The following MYO10 variants were observed in gnomAD, a reference collection of about 807,000 sequenced individuals.
MYO10 encodes the protein myosin X.
MYO10 carries 133 observed loss-of-function variants against 257.3 expected under a neutral mutation model. That is an observed-to-expected ratio of 0.52 (90% CI 0.45 to 0.60). The LOEUF is 0.60. Ranked by LOEUF, MYO10 falls within the 20% of genes least tolerant of loss-of-function variation. The probability of loss-of-function intolerance (pLI) is 0.00; values close to 1 mark genes in which losing one functional copy is unlikely to be tolerated. For missense variants in MYO10, 2,399 were observed against 2,635.7 expected (o/e 0.91, Z 1.97); for synonymous variants, 1,104 against 1,028.6 (o/e 1.07, Z -1.40).
intron 2 of MYO10, among the ~76,000 whole-genome samples, chr5:16,876,787 T>A (rs1744617032): frequency 6.6e-6 from 1 of 152,188 alleles, no homozygotes; most frequent in Admixed American, 6.5e-5. Context: ...ACTAAGGACC[T>A]CAAGTGATCT....
At chr5:16,669,421 G>T (rs1283453266) in intron 39 of MYO10, among the ~76,000 whole-genome samples, 8 of 152,016 alleles carry the variant, frequency 5.3e-5, no homozygotes, top group African/African-American at 1.7e-4. Flanking sequence ...AGCCAGGATG[G>T]TCTCGATCTC....
At chr5:16,702,625 A>C in intron 23 of MYO10, 37 bp from the exon 24 acceptor site, 1 of 1,543,630 alleles carries the variant, frequency 6.5e-7, no homozygotes, top group Non-Finnish European at 8.8e-7. Context: ...ATCAACAACA[A>C]TAACCCTGGA....
intron 2 of MYO10, among the ~76,000 whole-genome samples, chr5:16,874,344 C>CAG (rs796101418): frequency 2.1e-4 from 6 of 28,478 alleles, no homozygotes; most frequent in Admixed American, 1.3e-3. Flanking sequence ...AAAAAAAAAG[C>CAG]GGGGGGGGGG....
At chr5:16,762,024 G>A (rs1473722737) in intron 16 of MYO10, 21 bp downstream of exon 16, 5 of 1,431,632 alleles carry the variant, frequency 3.5e-6, no homozygotes, top group Admixed American at 3.0e-5. Flanking sequence ...AATATCAATA[G>A]GTATCTTAAT....
chr5:16,785,547 G>A lies in MYO10; in HGVS notation c.468-2078C>T, dbSNP rs146230874. Among the ~76,000 whole-genome samples the A allele has an allele frequency of 3.6e-4, 55 of 152,326 alleles. No individual in the cohort carries two copies. The East Asian group carries it at 9.3e-3, about 26-fold the overall frequency. On this transcript the variant is annotated intron_variant, in intron 4 of 40. Transcript: ENST00000513610. ...CTTTATCCTCGGGCACACAGAAGCC[G>A]AAAACATTTAGACTCCCTTGCAGTA...
chr5:16,821,581 A>G (rs971119345), intron 2 of MYO10, among the ~76,000 whole-genome samples: 1 of 147,544 alleles, frequency 6.8e-6, no homozygotes, highest in African/African-American at 2.5e-5. Flanking sequence ...ATTCTCCTGC[A>G]TCAGCCTCCC....
chr5:16,727,492 C>T (rs796290823), intron 19 of MYO10, among the ~76,000 whole-genome samples: 2 of 152,270 alleles, frequency 1.3e-5, no homozygotes, highest in African/African-American at 4.8e-5. Flanking sequence ...AAAAACAATG[C>T]TCATGCAAAT....
chr5:16,788,311 T>TG (rs1741652667), intron 4 of MYO10, among the ~76,000 whole-genome samples: 1 of 152,116 alleles, frequency 6.6e-6, no homozygotes. Context: ...CTGGGGCCCC[T>TG]GAGTGTTTGC....
intron 2 of MYO10, among the ~76,000 whole-genome samples, chr5:16,859,484 C>A (rs1193925289): frequency 6.6e-6 from 1 of 152,122 alleles, no homozygotes; most frequent in Non-Finnish European, 1.5e-5. Context: ...GGTGCAGGCA[C>A]CTTATAATCC....
At chr5:16,702,751 C>G (rs1738141883) in intron 23 of MYO10, among the ~76,000 whole-genome samples, 163 bp from the exon 24 acceptor site, 1 of 152,186 alleles carries the variant, frequency 6.6e-6, no homozygotes, top group African/African-American at 2.4e-5. Flanking sequence ...AAAATATTCA[C>G]AGAACTGGGT....
intron 9 of MYO10, among the ~76,000 whole-genome samples, chr5:16,778,598 G>A (rs1466547566): frequency 6.6e-6 from 1 of 151,830 alleles, no homozygotes; most frequent in Non-Finnish European, 1.5e-5. Context: ...ACGGGGAAGA[G>A]AAGCCTGCTC....
In MYO10 at chr5:16,877,707, C is replaced by T; in HGVS notation, c.22G>A (p.Gly8Arg). 1 of 1,611,358 alleles carries T rather than the reference C, an allele frequency of 6.2e-7. No individual in the cohort carries two copies. Among genetic ancestry groups the T allele is most frequent in the Non-Finnish European group, 8.5e-7 (1 of 1,178,432 alleles). MDNFFTE[G>R]TRVWLRENGQ... is the part of the protein sequence containing the mutation. The stretch of plus-strand genomic sequence containing the variant: ...TTTTCTCTCAGCCAGACCCGTGTTC[C>T]CTGTAAACAAAACAAACAAGACTGA... The change falls in exon 2 of 41, where the codon GGA (glycine) becomes AGA (arginine). Residue 8 changes from glycine to arginine, a missense_variant and splice_region_variant. Around this residue, in one of 3 missense-constraint regions of MYO10, gnomAD observed 242 missense variants for 249.5 expected, o/e 0.97. Transcript: ENST00000513610.
At position 16,935,969 on chromosome 5, in the gene MYO10, C is replaced by T; in HGVS notation, c.-161G>A. 1.2e-6 allele frequency: 1 copy of T among 836,722 alleles called. No homozygotes were observed. Among genetic ancestry groups the T allele is most frequent in the Non-Finnish European group, 1.9e-6 (1 of 527,918 alleles). The allele number at this position is 836,722 out of a possible 1,614,324, so 51.8% of individuals were successfully genotyped here. A position where few individuals can be genotyped will look rare whatever the true frequency, so the allele number is the denominator to read the frequency against. On this transcript the variant is annotated 5_prime_UTR_variant, in exon 1 of 41. Transcript: ENST00000513610. ...TCGCCCGGTCCCTTCTTGTCCTTCT[C>T]ACCTTTTGTTCGCCCAAACCCAAGT...
rs1379687757 is a variant in MYO10, at chr5:16,664,794, CCTT to C, written c.*1895_*1897del. The C allele has an allele frequency of 6.6e-6, 1 of 152,142 alleles. No individual in the cohort carries two copies. Among genetic ancestry groups the C allele is most frequent in the Non-Finnish European group, 1.5e-5 (1 of 68,036 alleles). 9.4% of individuals were successfully genotyped at this position (152,142 alleles called of 1,614,324 possible). On this transcript the variant is annotated 3_prime_UTR_variant, in exon 41 of 41. Coordinates refer to ENST00000513610, the MANE Select transcript of MYO10 (RefSeq NM_012334.3). Reference sequence around the variant, plus strand: ...CTGTGTGTGACTTCATTTACCAGTCCCTTCTTTTGCTTTCTTGAAGTCACACTC... The same window carrying C: ...CTGTGTGTGACTTCATTTACCAGTCCCTTTTGCTTTCTTGAAGTCACACTC...
chr5:16,673,450 C>T (rs76288338), intron 36 of MYO10, among the ~76,000 whole-genome samples: 1 of 152,112 alleles, frequency 6.6e-6, no homozygotes, highest in Non-Finnish European at 1.5e-5. Context: ...CTCAGATTAG[C>T]AAGATTATGT....
At chr5:16,682,803 TAAA>T (rs1217960373) in intron 30 of MYO10, among the ~76,000 whole-genome samples, 3 of 149,672 alleles carry the variant, frequency 2.0e-5, no homozygotes, top group African/African-American at 2.4e-5. Context: ...AAATAAAAAA[TAAA>T]AAAAGCCTTT....
chr5:16,821,615 C>T lies in MYO10; in HGVS notation c.121-3448G>A, dbSNP rs974021786. On this transcript the variant is annotated intron_variant, in intron 2 of 40. Transcript: ENST00000513610. ...CCGAGTAGCTGGGACTACAGGCGCC[C>T]ACCACCACGCCCAGCTAATTTTTTG... is the stretch of plus-strand genomic sequence containing the variant. Among the ~76,000 whole-genome samples, 115 of 151,562 alleles carry T rather than the reference C, an allele frequency of 7.6e-4. No homozygotes were observed. In the Middle Eastern group the frequency reaches 0.01, roughly 13 times the overall value.
chr5:16,935,620 G>A (rs1286303806), intron 1 of MYO10, among the ~76,000 whole-genome samples, 168 bp downstream of exon 1: 1 of 152,082 alleles, frequency 6.6e-6, no homozygotes, highest in Non-Finnish European at 1.5e-5. Context: ...AACCTGCCCG[G>A]GCTTACTCAT....
intron 40 of MYO10, among the ~76,000 whole-genome samples, chr5:16,667,360 C>T (rs1474211009): frequency 6.6e-6 from 1 of 152,128 alleles, no homozygotes; most frequent in Non-Finnish European, 1.5e-5. Context: ...CCGTCATTGC[C>T]ACCCCTTCTC....
Sources: gnomAD v4.1 joint callset for allele counts (sites outside exome capture counted in the v4.1 genomes callset) on GRCh38, gnomAD v4.1.1 for gene constraint, gnomAD v4.1.1 regional missense constraint, MANE v1.5 for transcripts, NCBI Gene and HGNC (gene_info 2026-07-23, HGNC 2026-07-21) for gene names.